Variants in ZBTB20 observed in about 807,000 individuals in gnomAD.
The protein encoded by ZBTB20 is zinc finger and BTB domain-containing protein 20.
Under a neutral mutation model 56.9 loss-of-function variants are expected in ZBTB20, and 9 were observed. The ratio of observed to expected loss-of-function variants is 0.16; its 90% CI spans 0.10 to 0.28. The LOEUF (loss-of-function observed/expected upper bound fraction) is 0.28, where lower values mean the gene tolerates loss of function less well. Ranked by LOEUF, ZBTB20 falls within the 10% of genes least tolerant of loss-of-function variation. ZBTB20 has a pLI of 1.00. For missense variants in ZBTB20, 655 were observed against 1,003.0 expected (o/e 0.65, Z 4.69); for synonymous variants, 417 against 420.7 (o/e 0.99, Z 0.11).
At chr3:114,772,557 T>C (rs1177524402) in intron 5 of ZBTB20, among the ~76,000 whole-genome samples, 1 of 152,050 alleles carries the variant, frequency 6.6e-6, no homozygotes, top group Non-Finnish European at 1.5e-5. Flanking sequence ...CGCCCCTAGT[T>C]ATTCTGTTTA....
chr3:114,401,277 A>C (rs1232838398), intron 7 of ZBTB20, among the ~76,000 whole-genome samples: 1 of 152,102 alleles, frequency 6.6e-6, no homozygotes, highest in Non-Finnish European at 1.5e-5. Flanking sequence ...AGTTTAATAA[A>C]CTGTAGAAAA....
chr3:114,456,296 A>T (rs1423507328), intron 7 of ZBTB20, among the ~76,000 whole-genome samples: 1 of 152,106 alleles, frequency 6.6e-6, no homozygotes, highest in Non-Finnish European at 1.5e-5. Flanking sequence ...AAGCAGAAAA[A>T]TATAATATTG....
chr3:114,920,972 A>G (rs1234318445), intron 3 of ZBTB20, among the ~76,000 whole-genome samples: 1 of 152,224 alleles, frequency 6.6e-6, no homozygotes, highest in Non-Finnish European at 1.5e-5. Context: ...ACATTCCAAC[A>G]GATTAGATAA....
chr3:114,384,025 C>T (rs1320709117), intron 8 of ZBTB20, among the ~76,000 whole-genome samples: 4 of 152,118 alleles, frequency 2.6e-5, no homozygotes, highest in Non-Finnish European at 5.9e-5. Flanking sequence ...CCGACCAGAA[C>T]CTTCCTCCTG....
chr3:115,032,958 T>TAAAAAAAAAAA (rs77048136), intron 2 of ZBTB20, among the ~76,000 whole-genome samples: 31 of 56,398 alleles, frequency 5.5e-4, no homozygotes, highest in African/African-American at 6.9e-4. Context: ...CCTAAGGAAC[T>TAAAAAAAAAAA]AAAAAAAAAA....
chr3:114,389,476 T>G (rs185468024), intron 7 of ZBTB20, among the ~76,000 whole-genome samples: 2 of 152,180 alleles, frequency 1.3e-5, no homozygotes, highest in African/African-American at 4.8e-5. Context: ...TTTTCTTTTT[T>G]TTTTCATTTA....
At chr3:114,356,438 G>C (rs887558240) in intron 10 of ZBTB20, among the ~76,000 whole-genome samples, 1 of 152,158 alleles carries the variant, frequency 6.6e-6, no homozygotes, top group Non-Finnish European at 1.5e-5. Context: ...TATAAAATGA[G>C]ACTAGTGCAA....
At chr3:114,960,295 T>TGC (rs1455901816) in intron 3 of ZBTB20, among the ~76,000 whole-genome samples, 1 of 152,214 alleles carries the variant, frequency 6.6e-6, no homozygotes, top group Non-Finnish European at 1.5e-5. Flanking sequence ...AAATGTGAAG[T>TGC]GGAAATGATG....
intron 4 of ZBTB20, among the ~76,000 whole-genome samples, chr3:114,819,659 A>C (rs1438740204): frequency 1.3e-5 from 2 of 151,940 alleles, no homozygotes; most frequent in Non-Finnish European, 2.9e-5. Flanking sequence ...TCTGGGAGAA[A>C]CACAATTAAA....
At chr3:114,542,138 T>C (rs2049186072) in intron 6 of ZBTB20, among the ~76,000 whole-genome samples, 1 of 152,196 alleles carries the variant, frequency 6.6e-6, no homozygotes, top group African/African-American at 2.4e-5. Flanking sequence ...TAGCCTACTA[T>C]GGAATGCCCA....
chr3:114,957,399 A>T (rs1378836520), intron 3 of ZBTB20, among the ~76,000 whole-genome samples: 1 of 152,208 alleles, frequency 6.6e-6, no homozygotes, highest in Non-Finnish European at 1.5e-5. Context: ...ACACATAGGA[A>T]GGGTAAATAC....
intron 6 of ZBTB20, among the ~76,000 whole-genome samples, chr3:114,505,558 A>G (rs2044502373): frequency 6.6e-6 from 1 of 152,080 alleles, no homozygotes; most frequent in South Asian, 2.1e-4. Flanking sequence ...CTTAATTAAT[A>G]TTTCCAATCT....
chr3:114,954,214 C>T (rs534546567), intron 3 of ZBTB20, among the ~76,000 whole-genome samples: 1 of 152,024 alleles, frequency 6.6e-6, no homozygotes, highest in Non-Finnish European at 1.5e-5. Context: ...TGTTTTTAAA[C>T]CCCATTTATC....
At chr3:114,629,778 A>G (rs1560060505) in intron 6 of ZBTB20, among the ~76,000 whole-genome samples, 1 of 152,240 alleles carries the variant, frequency 6.6e-6, no homozygotes, top group Non-Finnish European at 1.5e-5. Context: ...CAATTTGAAT[A>G]GAAAGTTAGT....
At chr3:114,766,251 G>C (rs1251750326) in intron 5 of ZBTB20, among the ~76,000 whole-genome samples, 1 of 151,580 alleles carries the variant, frequency 6.6e-6, no homozygotes, top group African/African-American at 2.4e-5. Context: ...AATATGAGAA[G>C]GCTAGCTGGT....
chr3:114,794,549 C>T (rs2108817923), intron 5 of ZBTB20, among the ~76,000 whole-genome samples: 1 of 152,244 alleles, frequency 6.6e-6, no homozygotes, highest in Admixed American at 6.6e-5. Flanking sequence ...CTAAGATTCC[C>T]TGTCGCTATA....
chr3:114,987,156 T>C (rs2078581658), intron 2 of ZBTB20, among the ~76,000 whole-genome samples: 2 of 152,292 alleles, frequency 1.3e-5, no homozygotes, highest in Non-Finnish European at 1.5e-5. Context: ...TTAGATAACA[T>C]GATAAAGTCT....
intron 6 of ZBTB20, among the ~76,000 whole-genome samples, chr3:114,638,865 A>G (rs73857636): frequency 2.0e-5 from 3 of 152,100 alleles, no homozygotes; most frequent in Admixed American, 6.6e-5. Flanking sequence ...TAAGCCCCCA[A>G]ATGATAAATG....
At chr3:114,461,624 G>T (rs2092334865) in intron 7 of ZBTB20, among the ~76,000 whole-genome samples, 1 of 152,080 alleles carries the variant, frequency 6.6e-6, no homozygotes, top group South Asian at 2.1e-4. Flanking sequence ...ACTTTAATAA[G>T]ACTCTTTTGC....
Sources: allele counts gnomAD v4.1 joint callset (sites outside exome capture counted in the v4.1 genomes callset), GRCh38; gene constraint gnomAD v4.1.1; transcripts MANE v1.5; gene names NCBI Gene and HGNC (gene_info 2026-07-23, HGNC 2026-07-21).